The following CACNA2D3 variants were observed in gnomAD, a reference collection of about 807,000 sequenced individuals.
The protein encoded by CACNA2D3 is calcium voltage-gated channel auxiliary subunit alpha2delta 3, also known as voltage-dependent calcium channel subunit alpha-2/delta-3.
A neutral mutation model predicts 160.6 loss-of-function variants in CACNA2D3; 60 were observed. That is an observed-to-expected ratio of 0.37 (90% CI 0.30 to 0.46). The LOEUF is 0.46. Ranked by LOEUF, CACNA2D3 falls within the 20% of genes least tolerant of loss-of-function variation. The pLI, the probability that CACNA2D3 is intolerant of heterozygous loss-of-function variation, is 1.00. For missense variants in CACNA2D3, 1,205 were observed against 1,365.0 expected (o/e 0.88, Z 1.85); for synonymous variants, 558 against 492.9 (o/e 1.13, Z -1.75).
intron 13 of CACNA2D3, 41 bp from the exon 14 acceptor site, chr3:54,816,812 A>G (rs1307558021): frequency 5.6e-6 from 9 of 1,608,308 alleles, no homozygotes; most frequent in Non-Finnish European, 7.6e-6. Context: ...TATAATGATC[A>G]ACTTTTTTCT....
At chr3:54,572,929 G>T (rs548791683) in intron 8 of CACNA2D3, among the ~76,000 whole-genome samples, 1 of 152,074 alleles carries the variant, frequency 6.6e-6, no homozygotes, top group Non-Finnish European at 1.5e-5. Flanking sequence ...AAAACCAATC[G>T]ATTGAAATAA....
At chr3:54,958,863 G>A (rs1440137568) in intron 27 of CACNA2D3, among the ~76,000 whole-genome samples, 1 of 152,102 alleles carries the variant, frequency 6.6e-6, no homozygotes, top group Non-Finnish European at 1.5e-5. Context: ...CAGCACTTTG[G>A]GAGGCCAAGG....
intron 9 of CACNA2D3, among the ~76,000 whole-genome samples, chr3:54,588,436 G>T (rs749002556): frequency 6.6e-6 from 1 of 152,134 alleles, no homozygotes; most frequent in South Asian, 2.1e-4. Context: ...ACTGACATTT[G>T]ACAAAGTGTT....
chr3:54,799,616 C>T (rs1702939743), intron 13 of CACNA2D3, among the ~76,000 whole-genome samples: 1 of 152,168 alleles, frequency 6.6e-6, no homozygotes, highest in African/African-American at 2.4e-5. Context: ...TAATTTTCTT[C>T]TGAAGGATTT....
intron 4 of CACNA2D3, among the ~76,000 whole-genome samples, chr3:54,429,535 C>A (rs987647963): frequency 6.6e-6 from 1 of 152,108 alleles, no homozygotes; most frequent in African/African-American, 2.4e-5. Flanking sequence ...ATTTGTAGTA[C>A]CCTCTTTAAG....
At chr3:54,579,023 G>T (rs1177838127) in intron 8 of CACNA2D3, among the ~76,000 whole-genome samples, 1 of 152,174 alleles carries the variant, frequency 6.6e-6, no homozygotes, top group Non-Finnish European at 1.5e-5. Context: ...GTAGAGGCAG[G>T]ACTTGGACCC....
At chr3:54,557,148 C>CA (rs1702254648) in intron 5 of CACNA2D3, among the ~76,000 whole-genome samples, 1 of 152,134 alleles carries the variant, frequency 6.6e-6, no homozygotes, top group African/African-American at 2.4e-5. Context: ...GATTATGTTA[C>CA]AAGCCAAGAT....
At chr3:54,796,815 G>A (rs557311212) in intron 13 of CACNA2D3, among the ~76,000 whole-genome samples, 1 of 152,222 alleles carries the variant, frequency 6.6e-6, no homozygotes, top group South Asian at 2.1e-4. Flanking sequence ...AGCTTATTAC[G>A]TTTTTCATAG....
chr3:54,448,282 C>A (rs1349203), intron 4 of CACNA2D3, among the ~76,000 whole-genome samples: 150,017 of 152,264 alleles, frequency 0.99, 73,928 homozygotes, highest in East Asian at 1. Context: ...TAGCTAAGAC[C>A]TATGCCCAGC....
At chr3:54,649,206 A>T (rs575798794) in intron 11 of CACNA2D3, among the ~76,000 whole-genome samples, 2 of 152,216 alleles carry the variant, frequency 1.3e-5, no homozygotes, top group African/African-American at 2.4e-5. Context: ...GGGATATCTT[A>T]CATGGTAATG....
At chr3:54,289,633 C>T (rs572514927) in intron 2 of CACNA2D3, among the ~76,000 whole-genome samples, 1 of 152,340 alleles carries the variant, frequency 6.6e-6, no homozygotes, top group East Asian at 1.9e-4. Flanking sequence ...AAGCTGGAAG[C>T]ATCACGCTAC....
intron 27 of CACNA2D3, among the ~76,000 whole-genome samples, chr3:54,925,536 A>G (rs934010074): frequency 1.3e-5 from 2 of 152,226 alleles, no homozygotes; most frequent in Non-Finnish European, 2.9e-5. Context: ...TGGGGTGTAT[A>G]TGCCGTTTGT....
At chr3:54,874,747 C>T (rs1488262866) in intron 18 of CACNA2D3, 2 of 152,306 alleles carry the variant, frequency 1.3e-5, no homozygotes, top group East Asian at 1.9e-4. Flanking sequence ...GCAGCCTGGC[C>T]CACAGAGCCG....
In CACNA2D3 at chr3:54,562,840, A is replaced by G. The variant is rs1702349386; in HGVS notation, c.585A>G (p.Leu195=). The change falls in exon 6 of 38, where the codon CTA becomes CTG. Residue 195 remains leucine (L), a synonymous_variant. Coordinates refer to ENST00000474759, the MANE Select transcript of CACNA2D3 (RefSeq NM_018398.3). ...ATGGGGTTTATTGGTCTGAATCTCTAAACAAAGTTTTTGTAGATAACTTTG... is the reference window on the plus strand; with the variant it reads ...ATGGGGTTTATTGGTCTGAATCTCTGAACAAAGTTTTTGTAGATAACTTTG... The part of the protein sequence containing the change: ...IVNGVYWSES[L]NKVFVDNFDR... 1 of 1,612,840 alleles carries G rather than the reference A, an allele frequency of 6.2e-7. No individual in the cohort carries two copies. The highest frequency in any genetic ancestry group is 1.1e-5 in the South Asian group (1 of 91,050).
chr3:54,767,821 A>T (rs890792093), intron 13 of CACNA2D3, among the ~76,000 whole-genome samples: 3 of 152,194 alleles, frequency 2.0e-5, no homozygotes, highest in African/African-American at 7.2e-5. Flanking sequence ...ATCTGGGACA[A>T]TTTGAGCCTC....
At chr3:54,699,447 C>T (rs147376908) in intron 11 of CACNA2D3, among the ~76,000 whole-genome samples, 15 of 152,204 alleles carry the variant, frequency 9.9e-5, no homozygotes, top group African/African-American at 3.4e-4. Context: ...TGCTTCCCCC[C>T]AGTCACTAAC....
intron 14 of CACNA2D3, among the ~76,000 whole-genome samples, chr3:54,825,754 T>C (rs1176557180): frequency 1.3e-5 from 2 of 152,240 alleles, no homozygotes; most frequent in African/African-American, 4.8e-5. Flanking sequence ...AACACTGAGG[T>C]AAATCAGATT....
intron 27 of CACNA2D3, among the ~76,000 whole-genome samples, chr3:54,934,856 C>A (rs182050006): frequency 6.6e-6 from 1 of 152,070 alleles, no homozygotes; most frequent in Non-Finnish European, 1.5e-5. Flanking sequence ...CTCAGCCTCC[C>A]GAGTAGCTGG....
chr3:54,655,057 T>C (rs567879685), intron 11 of CACNA2D3, among the ~76,000 whole-genome samples: 218 of 152,348 alleles, frequency 1.4e-3, no homozygotes, highest in African/African-American at 5.0e-3. Context: ...ATCCAACGTG[T>C]GCTTGGTGCT....
Sources: allele counts gnomAD v4.1 joint callset (sites outside exome capture counted in the v4.1 genomes callset), GRCh38; gene constraint gnomAD v4.1.1; transcripts MANE v1.5; gene names NCBI Gene and HGNC (gene_info 2026-07-23, HGNC 2026-07-21).